AGBL4: variants seen among roughly 807,000 people sequenced by gnomAD.
The protein encoded by AGBL4 is AGBL carboxypeptidase 4.
AGBL4 carries 58 observed loss-of-function variants against 66.4 expected under a neutral mutation model. That is an observed-to-expected ratio of 0.87 (90% CI 0.71 to 1.09). The LOEUF (loss-of-function observed/expected upper bound fraction) is 1.09. AGBL4 is among the 50% of genes least tolerant of loss of function. The pLI is 0.00. For missense variants in AGBL4, 579 were observed against 631.0 expected (o/e 0.92, Z 0.88); for synonymous variants, 234 against 222.9 (o/e 1.05, Z -0.44).
intron 1 of AGBL4, among the ~76,000 whole-genome samples, chr1:49,954,571 A>C (rs1378698058): frequency 6.6e-6 from 1 of 151,926 alleles, no homozygotes; most frequent in African/African-American, 2.4e-5. Flanking sequence ...GAACCAATAC[A>C]TTTCTCTTCA....
Position 49,530,274 on chromosome 1 carries a change from A to AAAAAAAAAAAAAAAC in AGBL4, c.282+167038_282+167039insGTTTTTTTTTTTTTT, listed in dbSNP as rs1553221141. 5.9e-3 allele frequency among the ~76,000 whole-genome samples: 798 copies of AAAAAAAAAAAAAAAC among 134,558 alleles called. 53 individuals carry two copies. The highest frequency in any genetic ancestry group is 0.024 in the African/African-American group (743 of 30,684). 88.3% of individuals were successfully genotyped at this position (134,558 alleles called of 152,430 possible). On this transcript the variant is annotated intron_variant, in intron 3 of 13. Transcript: ENST00000371839. ...GTAGAATTTGTAAAAAAAAAAAAAC[A>AAAAAAAAAAAAAAAC]AAAAAAAACTCTATGAGTTTTTTTT...
intron 2 of AGBL4, among the ~76,000 whole-genome samples, chr1:49,765,889 G>GA (rs562370869): frequency 6.6e-5 from 10 of 151,564 alleles, no homozygotes; most frequent in African/African-American, 1.7e-4. Flanking sequence ...GAAAAATAAT[G>GA]AAAAAAAATG....
chr1:49,317,606 C>CT (rs1366773912), intron 3 of AGBL4, among the ~76,000 whole-genome samples: 1 of 151,758 alleles, frequency 6.6e-6, no homozygotes, highest in Non-Finnish European at 1.5e-5. Context: ...TCACTAGAGC[C>CT]TTTCTGGACT....
intron 2 of AGBL4, among the ~76,000 whole-genome samples, chr1:49,835,423 G>T (rs745682800): frequency 1.3e-5 from 2 of 152,012 alleles, no homozygotes; most frequent in Non-Finnish European, 2.9e-5. Context: ...CCATTTGCTT[G>T]GTAAATATTC....
At chr1:49,866,428 TA>T (rs1179012648) in intron 1 of AGBL4, among the ~76,000 whole-genome samples, 2 of 152,056 alleles carry the variant, frequency 1.3e-5, no homozygotes, top group Non-Finnish European at 2.9e-5. Context: ...AGAAACCCTA[TA>T]AGCCAGAAGA....
chr1:49,857,548 T>TA (rs1646465711), intron 1 of AGBL4, among the ~76,000 whole-genome samples: 1 of 151,942 alleles, frequency 6.6e-6, no homozygotes, highest in Admixed American at 6.5e-5. Context: ...TGGAAGAGAA[T>TA]AAAAAACCAA....
intron 9 of AGBL4, among the ~76,000 whole-genome samples, chr1:48,610,704 T>G (rs888755395): frequency 6.6e-6 from 1 of 152,188 alleles, no homozygotes; most frequent in African/African-American, 2.4e-5. Flanking sequence ...TTCTTTCACT[T>G]TCCAAGCTTC....
At chr1:49,882,262 C>G (rs1330953470) in intron 1 of AGBL4, among the ~76,000 whole-genome samples, 3 of 149,008 alleles carry the variant, frequency 2.0e-5, no homozygotes, top group African/African-American at 7.5e-5. Context: ...TGTTTTGGTA[C>G]CAGTACCATG....
chr1:49,248,963 C>A (rs1425480173), intron 3 of AGBL4, among the ~76,000 whole-genome samples: 1 of 152,100 alleles, frequency 6.6e-6, no homozygotes, highest in Non-Finnish European at 1.5e-5. Flanking sequence ...GTAGGTATAA[C>A]CTTCAAGGCA....
chr1:49,247,156 T>C (rs1166919611), intron 3 of AGBL4, among the ~76,000 whole-genome samples: 2 of 152,014 alleles, frequency 1.3e-5, no homozygotes, highest in Non-Finnish European at 2.9e-5. Flanking sequence ...TCACTAAGAT[T>C]CCAAAATTCC....
chr1:48,665,677 T>G (rs1305704874), intron 6 of AGBL4, among the ~76,000 whole-genome samples: 1 of 152,200 alleles, frequency 6.6e-6, no homozygotes, highest in African/African-American at 2.4e-5. Flanking sequence ...CCACTTCTGC[T>G]GCATTTCCAT....
chr1:49,680,252 T>C (rs1464853672), intron 3 of AGBL4, among the ~76,000 whole-genome samples: 2 of 151,888 alleles, frequency 1.3e-5, no homozygotes, highest in African/African-American at 2.4e-5. Context: ...GGTTTCACCA[T>C]GTTGTCCGGG....
At chr1:49,249,414 G>A (rs971872709) in intron 3 of AGBL4, among the ~76,000 whole-genome samples, 3 of 151,966 alleles carry the variant, frequency 2.0e-5, no homozygotes, top group African/African-American at 7.3e-5. Flanking sequence ...AAAAAGACCT[G>A]AATAGACATT....
At chr1:49,631,278 TCC>T (rs1645564897) in intron 3 of AGBL4, among the ~76,000 whole-genome samples, 1 of 152,198 alleles carries the variant, frequency 6.6e-6, no homozygotes, top group Non-Finnish European at 1.5e-5. Flanking sequence ...AATCTGCTTC[TCC>T]TCTGAATCCA....
intron 2 of AGBL4, chr1:49,844,889 T>C: frequency 7.1e-7 from 1 of 1,406,848 alleles, no homozygotes; most frequent in East Asian, 2.3e-5. Context: ...TTGATGCCTT[T>C]GAAGATGCCT....
chr1:49,041,284 T>C (rs1170982308), intron 5 of AGBL4, among the ~76,000 whole-genome samples: 1 of 152,074 alleles, frequency 6.6e-6, no homozygotes, highest in Non-Finnish European at 1.5e-5. Context: ...ACACAAGCCA[T>C]ATCAAATACC....
rs1456698984 is a variant in AGBL4 at position 49,879,600 on chromosome 1, C to A, written c.35-28082G>T. Among the ~76,000 whole-genome samples the A allele has an allele frequency of 6.1e-5, 9 of 147,524 alleles. No individual in the cohort carries two copies. In the East Asian group the frequency reaches 1.4e-3, roughly 23 times the overall value. ...TCTCTGGCTGCCCTTAACATTTTTT[C>A]CTTCATTGCAACTTTGGTGAATCTG... On this transcript the variant is annotated intron_variant, in intron 1 of 13. Transcript: ENST00000371839.
chr1:48,683,994 C>T (rs1314312105), intron 6 of AGBL4, among the ~76,000 whole-genome samples: 1 of 152,160 alleles, frequency 6.6e-6, no homozygotes, highest in Non-Finnish European at 1.5e-5. Flanking sequence ...GAAAATGTGC[C>T]CAGAGAAACA....
At chr1:48,848,981 C>A (rs1416190777) in intron 6 of AGBL4, among the ~76,000 whole-genome samples, 2 of 152,238 alleles carry the variant, frequency 1.3e-5, no homozygotes, top group East Asian at 3.8e-4. Flanking sequence ...AACCACCCTA[C>A]ATGGGGTTGT....
Sources: allele counts gnomAD v4.1 joint callset (sites outside exome capture counted in the v4.1 genomes callset), GRCh38; gene constraint gnomAD v4.1.1; transcripts MANE v1.5; gene names NCBI Gene and HGNC (gene_info 2026-07-23, HGNC 2026-07-21).